The following SCHIP1 variants were observed in gnomAD, a reference collection of about 807,000 sequenced individuals.
SCHIP1 encodes schwannomin interacting protein 1.
SCHIP1 carries 8 observed loss-of-function variants against 29.7 expected under a neutral mutation model. The observed-to-expected ratio is 0.27, with a 90% CI of 0.16 to 0.49. The LOEUF (loss-of-function observed/expected upper bound fraction) is 0.49, where lower values mean the gene tolerates loss of function less well. Among genes scored for constraint, SCHIP1 ranks in the 20% least tolerant of loss-of-function variants. The probability of loss-of-function intolerance (pLI) is 0.99; values close to 1 mark genes in which losing one functional copy is unlikely to be tolerated. For missense variants in SCHIP1, 193 were observed against 294.6 expected, an observed-to-expected ratio of 0.66 and a Z score of 2.52; for synonymous variants, 76 against 94.9, an observed-to-expected ratio of 0.80 and a Z score of 1.16.
the SCHIP1 span, among the ~76,000 whole-genome samples, chr3:159,479,517 C>T: frequency 1.3e-5 from 2 of 152,076 alleles, no homozygotes; most frequent in African/African-American, 2.4e-5. Context: ...CAGATCAAAA[C>T]TTTATATAAT....
At chr3:159,576,983 G>A in the SCHIP1 span, among the ~76,000 whole-genome samples, 4 of 152,054 alleles carry the variant, frequency 2.6e-5, no homozygotes, top group Non-Finnish European at 5.9e-5. Context: ...TAGCTTAAAG[G>A]TACACATATA....
chr3:159,279,739 T>C, the SCHIP1 span, among the ~76,000 whole-genome samples: 877 of 152,178 alleles, frequency 5.8e-3, 5 homozygotes, highest in African/African-American at 0.02. Flanking sequence ...AAAAATAATT[T>C]ATTAGAAACA....
At chr3:159,730,211 T>G in the SCHIP1 span, among the ~76,000 whole-genome samples, 3 of 152,312 alleles carry the variant, frequency 2.0e-5, no homozygotes, top group South Asian at 6.2e-4. Flanking sequence ...GAAGTCCTAA[T>G]GAGAGCAAAG....
the SCHIP1 span, among the ~76,000 whole-genome samples, chr3:159,367,004 C>T: frequency 1.3e-5 from 2 of 152,296 alleles, no homozygotes; most frequent in East Asian, 3.9e-4. Flanking sequence ...GCAACAATAT[C>T]TGAACCATGC....
chr3:159,675,664 A>T, the SCHIP1 span, among the ~76,000 whole-genome samples: 1 of 152,228 alleles, frequency 6.6e-6, no homozygotes, highest in Non-Finnish European at 1.5e-5. Flanking sequence ...AGCCCTAAGC[A>T]TCTTCACTTA....
chr3:159,275,176 C>A, the SCHIP1 span: 1 of 658,918 alleles, frequency 1.5e-6, no homozygotes, highest in East Asian at 1.4e-4. Context: ...TAATTGATGT[C>A]AGTATTTAAA....
the SCHIP1 span, among the ~76,000 whole-genome samples, chr3:159,682,478 C>G: frequency 6.6e-6 from 1 of 152,132 alleles, no homozygotes; most frequent in East Asian, 1.9e-4. Flanking sequence ...TATCAGTGAA[C>G]TATAAATTTC....
chr3:159,445,939 A>C, the SCHIP1 span, among the ~76,000 whole-genome samples: 1 of 151,164 alleles, frequency 6.6e-6, no homozygotes, highest in Non-Finnish European at 1.5e-5. Context: ...TGATGAGTTA[A>C]TGGGTGCAGC....
At chr3:159,448,415 C>T in the SCHIP1 span, among the ~76,000 whole-genome samples, 1 of 152,028 alleles carries the variant, frequency 6.6e-6, no homozygotes, top group African/African-American at 2.4e-5. Context: ...ACGTTGCAAT[C>T]AGCTGAGATT....
the SCHIP1 span, among the ~76,000 whole-genome samples, chr3:159,390,017 T>C: frequency 6.6e-6 from 1 of 152,092 alleles, no homozygotes; most frequent in African/African-American, 2.4e-5. Context: ...TAAGCAGTTT[T>C]ACATTTATTA....
the SCHIP1 span, among the ~76,000 whole-genome samples, chr3:159,574,093 C>T: frequency 6.6e-6 from 1 of 152,198 alleles, no homozygotes; most frequent in African/African-American, 2.4e-5. Context: ...TACTAACAAC[C>T]TTCTGAAGCC....
At chr3:159,437,481 T>C in the SCHIP1 span, among the ~76,000 whole-genome samples, 1 of 152,180 alleles carries the variant, frequency 6.6e-6, no homozygotes, top group African/African-American at 2.4e-5. Flanking sequence ...TATTTCATTC[T>C]TGACTCTGAG....
intron 2 of SCHIP1, among the ~76,000 whole-genome samples, chr3:159,870,392 C>A (rs568976528): frequency 6.6e-6 from 1 of 151,800 alleles, no homozygotes; most frequent in Non-Finnish European, 1.5e-5. Flanking sequence ...GATGATGTTC[C>A]CTCCCAGGTA....
At chr3:159,526,912 C>T in the SCHIP1 span, among the ~76,000 whole-genome samples, 6 of 152,286 alleles carry the variant, frequency 3.9e-5, no homozygotes, top group South Asian at 2.1e-4. Flanking sequence ...GATACTGTCC[C>T]GCCTAGTGTT....
At chr3:159,804,870 C>T in the SCHIP1 span, among the ~76,000 whole-genome samples, 2 of 152,188 alleles carry the variant, frequency 1.3e-5, no homozygotes, top group Admixed American at 1.3e-4. Context: ...TACAGCTATC[C>T]TCCCACACCT....
At chr3:159,457,413 G>A in the SCHIP1 span, among the ~76,000 whole-genome samples, 1 of 148,760 alleles carries the variant, frequency 6.7e-6, no homozygotes, top group African/African-American at 2.5e-5. Context: ...TTTTTTATGT[G>A]TATAACATTT....
chr3:159,739,906 A>G, the SCHIP1 span, among the ~76,000 whole-genome samples: 1 of 152,248 alleles, frequency 6.6e-6, no homozygotes, highest in Non-Finnish European at 1.5e-5. Context: ...GTAACATTGA[A>G]CATCAAAATC....
the SCHIP1 span, among the ~76,000 whole-genome samples, chr3:159,588,115 T>G: frequency 6.6e-6 from 1 of 152,282 alleles, no homozygotes; most frequent in East Asian, 1.9e-4. Context: ...TTTCTCCACA[T>G]CCTCTCCAGC....
chr3:159,513,732 C>T, the SCHIP1 span, among the ~76,000 whole-genome samples: 4,716 of 152,260 alleles, frequency 0.031, 106 homozygotes, highest in Non-Finnish European at 0.046. Context: ...CACAGAAAGC[C>T]TGTTTCCACA....
Sources: gnomAD v4.1 joint callset for allele counts (sites outside exome capture counted in the v4.1 genomes callset) on GRCh38, gnomAD v4.1.1 for gene constraint, MANE v1.5 for transcripts, NCBI Gene and HGNC (gene_info 2026-07-23, HGNC 2026-07-21) for gene names.